PTPRN2: variants seen among roughly 807,000 people sequenced by gnomAD.
The protein encoded by PTPRN2 is protein tyrosine phosphatase receptor type N2.
Under a neutral mutation model 118.8 loss-of-function variants are expected in PTPRN2, and 74 were observed. The ratio of observed to expected loss-of-function variants is 0.62; its 90% confidence interval spans 0.52 to 0.76. PTPRN2 has a LOEUF of 0.76. Ranked by LOEUF, PTPRN2 falls within the 30% of genes least tolerant of loss-of-function variation. PTPRN2 has a pLI of 0.00. For missense variants in PTPRN2, 1,481 were observed against 1,394.4 expected (o/e 1.06, Z -0.99); for synonymous variants, 641 against 608.0 (o/e 1.05, Z -0.80).
rs984113856 is a variant in PTPRN2 at position 157,986,401 on chromosome 7, G to A, written c.1724-87664C>T. Among the ~76,000 whole-genome samples, 6 of 152,268 alleles carry A rather than the reference G, an allele frequency of 3.9e-5. 1 individual carries two copies. The highest frequency in any genetic ancestry group is 6.8e-3 in the Middle Eastern group (2 of 294). On this transcript the variant is annotated intron_variant, in intron 11 of 22. Coordinates refer to ENST00000389418, the MANE Select transcript of PTPRN2 (RefSeq NM_002847.5). This position sits in a 1 kb window ranked among gnomAD's most constrained non-coding sequence, Gnocchi z 4.5. ...TCCTTGTAGACACGCAGAAACTGACGCCCAGAGAGGCAGGGCACCCCGTGT... is the reference window on the plus strand; with the variant it reads ...TCCTTGTAGACACGCAGAAACTGACACCCAGAGAGGCAGGGCACCCCGTGT...
intron 12 of PTPRN2, among the ~76,000 whole-genome samples, chr7:157,719,379 C>G (rs1799111178): frequency 6.6e-6 from 1 of 152,230 alleles, no homozygotes; most frequent in Admixed American, 6.5e-5. Context: ...GGGAAGTCCC[C>G]CATTGGGAGT....
At chr7:157,760,081 C>G (rs1338112619) in intron 12 of PTPRN2, among the ~76,000 whole-genome samples, 1 of 152,204 alleles carries the variant, frequency 6.6e-6, no homozygotes, top group Non-Finnish European at 1.5e-5. Context: ...GCTGTCCCCC[C>G]AACGCCATAT....
intron 13 of PTPRN2, chr7:157,669,425 G>GCACA (rs5888726): frequency 2.5e-4 from 106 of 421,210 alleles, no homozygotes; most frequent in South Asian, 4.7e-4. Flanking sequence ...GTTTGCACGC[G>GCACA]CACACACACA....
intron 3 of PTPRN2, among the ~76,000 whole-genome samples, chr7:158,285,088 C>G (rs939124925): frequency 6.6e-6 from 1 of 152,220 alleles, no homozygotes; most frequent in Admixed American, 6.5e-5. Context: ...GTTTTTCTCC[C>G]TGCATCTGTC....
intron 2 of PTPRN2, among the ~76,000 whole-genome samples, chr7:158,385,286 G>A (rs1004059597): frequency 7.5e-6 from 1 of 133,350 alleles, no homozygotes; most frequent in African/African-American, 2.9e-5. Context: ...AACCAATTAA[G>A]GCAAGAAAGA....
At chr7:158,379,384 A>G (rs1049314861) in intron 2 of PTPRN2, among the ~76,000 whole-genome samples, 2 of 152,156 alleles carry the variant, frequency 1.3e-5, no homozygotes, top group African/African-American at 2.4e-5. Flanking sequence ...AAGCAAAGAC[A>G]GGAACAGAGG....
chr7:158,056,281 C>T (rs1809786536), intron 11 of PTPRN2, among the ~76,000 whole-genome samples: 1 of 152,128 alleles, frequency 6.6e-6, no homozygotes, highest in African/African-American at 2.4e-5. Context: ...CACAGCATGG[C>T]CACCAGGCAC....
Position 157,845,262 on chromosome 7 carries a change from C to G in PTPRN2, c.1788+53411G>C, listed in dbSNP as rs532545390. ...CCAGCTGTAGGAAAAAAATGCATGG[C>G]AGATACTCGATGGCCTTTCTGTCCT... On this transcript the variant is annotated intron_variant, in intron 12 of 22. Transcript: ENST00000389418. This position sits in a 1 kb window ranked among gnomAD's most constrained non-coding sequence, Gnocchi z 4.5. 9.2e-5 allele frequency among the ~76,000 whole-genome samples: 14 copies of G among 152,316 alleles called. No homozygotes were observed. The highest frequency in any genetic ancestry group is 3.1e-4 in the African/African-American group (13 of 41,558).
At position 157,780,945 on chromosome 7, in the gene PTPRN2, C is replaced by A. The variant is rs754185267; in HGVS notation, c.1789-98008G>T. On this transcript the variant is annotated intron_variant, in intron 12 of 22. Coordinates refer to ENST00000389418, the MANE Select transcript of PTPRN2 (RefSeq NM_002847.5). This position sits in a 1 kb window ranked among gnomAD's most constrained non-coding sequence, Gnocchi z 4.5. ...CCACCCCCACCGAGGCAGTGGGCAG[C>A]CCCTGAGCCAGGCAGCTCCAGGCCA... 2.0e-5 allele frequency among the ~76,000 whole-genome samples: 3 copies of A among 152,174 alleles called. No individual in the cohort carries two copies. The highest frequency in any genetic ancestry group is 2.9e-5 in the Non-Finnish European group (2 of 68,020).
chr7:158,377,535 CAG>C (rs1014239382), intron 2 of PTPRN2, among the ~76,000 whole-genome samples: 1 of 152,146 alleles, frequency 6.6e-6, no homozygotes, highest in Non-Finnish European at 1.5e-5. Context: ...CCCAGCAATG[CAG>C]AGTGCTAGGG....
chr7:157,967,838 G>A (rs1376141987), intron 11 of PTPRN2, among the ~76,000 whole-genome samples: 1 of 152,258 alleles, frequency 6.6e-6, no homozygotes, highest in African/African-American at 2.4e-5. Context: ...AATCCAGGGA[G>A]AAGGGGTCTG....
intron 10 of PTPRN2, among the ~76,000 whole-genome samples, chr7:158,091,081 G>A (rs1814081500): frequency 6.6e-6 from 1 of 152,220 alleles, no homozygotes; most frequent in Non-Finnish European, 1.5e-5. Context: ...GGTTGGGTTA[G>A]TCTGGGGGTT....
At chr7:158,223,562 AT>A (rs1452719422) in intron 3 of PTPRN2, among the ~76,000 whole-genome samples, 4 of 152,212 alleles carry the variant, frequency 2.6e-5, no homozygotes. Flanking sequence ...GAAGAAAAAA[AT>A]CACATGATTA....
At position 158,247,000 on chromosome 7, in the gene PTPRN2, C is replaced by T. The variant is rs1185848215; in HGVS notation, c.278-41727G>A. On this transcript the variant is annotated intron_variant, in intron 3 of 22. Transcript: ENST00000389418. ...ATAGAGCGCATGGAGCTTCCCAGAG[C>T]AAGCGTGCAGCCATGCCAGGCCTGG... Among the ~76,000 whole-genome samples the T allele has an allele frequency of 2.0e-5, 3 of 152,228 alleles. No homozygotes were observed. The East Asian group carries it at 5.8e-4, about 29-fold the overall frequency.
chr7:158,526,609 C>T lies in PTPRN2; in HGVS notation c.113-36824G>A, dbSNP rs1280530643. 6.6e-6 allele frequency among the ~76,000 whole-genome samples: 1 copy of T among 152,230 alleles called. No homozygotes were observed. The highest frequency in any genetic ancestry group is 1.9e-4 in the East Asian group (1 of 5,168). ...TACACTGAAGTCCTGACCCCCAGGA[C>T]CTCAGAATGGGACTGTATTTGGAGA... On this transcript the variant is annotated intron_variant, in intron 1 of 22. Coordinates refer to ENST00000389418, the MANE Select transcript of PTPRN2 (RefSeq NM_002847.5). This position sits in a 1 kb window ranked among gnomAD's most constrained non-coding sequence, Gnocchi z 5.2.
intron 2 of PTPRN2, among the ~76,000 whole-genome samples, chr7:158,340,788 C>A (rs1316357935): frequency 6.2e-5 from 5 of 81,036 alleles, no homozygotes; most frequent in African/African-American, 2.4e-4. Context: ...ATTGGTGACA[C>A]CTGCAGACGT....
chr7:157,739,122 C>T (rs1800473980), intron 12 of PTPRN2: 1 of 152,166 alleles, frequency 6.6e-6, no homozygotes, highest in South Asian at 2.1e-4. Context: ...CTCTAAAACC[C>T]ACTGCAGACA....
chr7:158,081,314 A>T lies in PTPRN2; in HGVS notation c.1707T>A (p.Asp569Glu). ...SANVQNVTTE[D>E]VEKATVDNKD... ...CAGCCTCACCTGTGGCCTTCTCCAC[A>T]TCCTCAGTGGTCACGTTTTGGACAT... Residue 569 changes from aspartate (D) to glutamate (E), a missense_variant, in exon 11 of 23, where the codon GAT (aspartate) becomes GAA (glutamate). This residue lies in a region of PTPRN2 where 1,115 missense variants were observed against 994.2 expected (regional missense o/e 1.12). Coordinates refer to ENST00000389418, the MANE Select transcript of PTPRN2 (RefSeq NM_002847.5). 1 of 1,614,156 alleles carries T rather than the reference A, an allele frequency of 6.2e-7. No individual in the cohort carries two copies. Among genetic ancestry groups the T allele is most frequent in the Non-Finnish European group, 8.5e-7 (1 of 1,179,992 alleles).
intron 10 of PTPRN2, among the ~76,000 whole-genome samples, chr7:158,097,307 C>T (rs1014758416): frequency 5.3e-5 from 8 of 152,198 alleles, no homozygotes; most frequent in South Asian, 2.1e-4. Context: ...AGGCACCTCC[C>T]GCGCCCCGTG....
Sources: allele counts gnomAD v4.1 joint callset (sites outside exome capture counted in the v4.1 genomes callset), GRCh38; gene constraint gnomAD v4.1.1; regional missense constraint gnomAD v4.1.1; non-coding constraint Gnocchi (gnomAD v3.1); transcripts MANE v1.5; gene names NCBI Gene and HGNC (gene_info 2026-07-23, HGNC 2026-07-21).